The following ZFAND3 variants were observed in gnomAD, a reference collection of about 807,000 sequenced individuals.
ZFAND3 encodes the protein AN1-type zinc finger protein 3.
Under a neutral mutation model 29.6 loss-of-function variants are expected in ZFAND3, and 10 were observed. That is an observed-to-expected ratio of 0.34 (90% CI 0.21 to 0.57). The LOEUF is 0.57. Ranked by LOEUF, ZFAND3 falls within the 20% of genes least tolerant of loss-of-function variation. The pLI is 0.86. For missense variants in ZFAND3, 230 were observed against 304.5 expected, an observed-to-expected ratio of 0.76 and a Z score of 1.82; for synonymous variants, 128 against 112.6, an observed-to-expected ratio of 1.14 and a Z score of -0.87.
At chr6:37,943,540 T>C (rs866273585) in intron 2 of ZFAND3, among the ~76,000 whole-genome samples, 49 of 152,292 alleles carry the variant, frequency 3.2e-4, no homozygotes, top group African/African-American at 1.1e-3. Flanking sequence ...CACAAATTAA[T>C]GTCAGGAAAT....
intron 2 of ZFAND3, among the ~76,000 whole-genome samples, chr6:38,041,037 G>A (rs1763749719): frequency 6.6e-6 from 1 of 152,166 alleles, no homozygotes; most frequent in African/African-American, 2.4e-5. Context: ...TTTAGTGTGT[G>A]ACAGTCCCTT....
Position 37,883,548 on chromosome 6 carries a change from C to CCT in ZFAND3, c.72-46411_72-46410insCT, listed in dbSNP as rs1287608473. The stretch of plus-strand genomic sequence containing the variant: ...TGTATACCTTTTCTTTTCTTTCTTT[C>CCT]TTTTTTTTTTTTGAGACGGAGTCTC... On this transcript the variant is annotated intron_variant, in intron 1 of 5. Coordinates refer to ENST00000287218, the MANE Select transcript of ZFAND3 (RefSeq NM_021943.3). 1.7e-4 allele frequency among the ~76,000 whole-genome samples: 17 copies of CCT among 100,586 alleles called. 3 individuals carry two copies. Among genetic ancestry groups the CCT allele is most frequent in the African/African-American group, 5.7e-4 (11 of 19,198 alleles). 66.0% of individuals were successfully genotyped at this position (100,586 alleles called of 152,430 possible). A position where few individuals can be genotyped will look rare whatever the true frequency, so the allele number is the denominator to read the frequency against.
chr6:37,826,910 C>G (rs993457357), intron 1 of ZFAND3, among the ~76,000 whole-genome samples: 6 of 152,182 alleles, frequency 3.9e-5, no homozygotes, highest in African/African-American at 1.4e-4. Flanking sequence ...TAAGTACTCA[C>G]TAGCTCAGTA....
chr6:37,911,426 A>G (rs936918455), intron 1 of ZFAND3, among the ~76,000 whole-genome samples: 3 of 152,162 alleles, frequency 2.0e-5, no homozygotes, highest in African/African-American at 7.2e-5. Flanking sequence ...CTCCTTGTAT[A>G]TTTTAGATGT....
intron 1 of ZFAND3, among the ~76,000 whole-genome samples, chr6:37,869,513 A>ATTTT (rs543408260): frequency 7.1e-6 from 1 of 141,322 alleles, no homozygotes; most frequent in African/African-American, 2.6e-5. Flanking sequence ...AAGTTTGTTA[A>ATTTT]TTTTTTTTTT....
intron 1 of ZFAND3, among the ~76,000 whole-genome samples, chr6:37,878,532 G>C (rs753454731): frequency 3.4e-4 from 52 of 152,156 alleles, no homozygotes; most frequent in Non-Finnish European, 6.9e-4. Flanking sequence ...CTCCCGCTTG[G>C]CATAGCCCTG....
chr6:38,082,213 G>T (rs1223403246), intron 3 of ZFAND3, among the ~76,000 whole-genome samples, 179 bp from the exon 4 acceptor site: 1 of 148,942 alleles, frequency 6.7e-6, no homozygotes. Context: ...AGACTAAATT[G>T]CTGAACTAAA....
At chr6:37,860,038 A>ATTTTTT (rs367545879) in intron 1 of ZFAND3, among the ~76,000 whole-genome samples, 1 of 134,186 alleles carries the variant, frequency 7.5e-6, no homozygotes. Context: ...CGCCCAGCTA[A>ATTTTTT]TTTTTTTTTT....
rs2127417674 is a variant in ZFAND3, at chr6:37,942,927, A to T, written c.112+12928A>T. On this transcript the variant is annotated intron_variant, in intron 2 of 5. Transcript: ENST00000287218. ...TTGAAGAAAAAGTGGGACTGTATCA[A>T]AAACTTTGAAATAAAGACATCCAAG... Among the ~76,000 whole-genome samples, 3 of 152,310 alleles carry T rather than the reference A, an allele frequency of 2.0e-5. No homozygotes were observed. In the South Asian group the frequency reaches 6.2e-4, roughly 32 times the overall value.
At chr6:37,973,657 A>G (rs1434097200) in intron 2 of ZFAND3, among the ~76,000 whole-genome samples, 1 of 152,252 alleles carries the variant, frequency 6.6e-6, no homozygotes, top group Non-Finnish European at 1.5e-5. Context: ...CTGAAGCATT[A>G]CACTGAGTAC....
rs1766239013 is a variant in ZFAND3 at position 38,152,104 on chromosome 6, G to A, written c.530-131G>A. On this transcript the variant is annotated intron_variant, in intron 5 of 5. Transcript: ENST00000287218. ...TGGAGTGAGCTCTCTGCTGCATCAG[G>A]AACCCCTGCAGTGAGTGTTGTCCAC... 3.6e-6 allele frequency: 3 copies of A among 828,952 alleles called. No individual in the cohort carries two copies. In the East Asian group the frequency reaches 8.6e-5, roughly 24 times the overall value. The allele number at this position is 828,952 out of a possible 1,614,324, so 51.3% of individuals were successfully genotyped here.
At chr6:38,050,476 G>A (rs1452459440) in intron 2 of ZFAND3, among the ~76,000 whole-genome samples, 1 of 151,984 alleles carries the variant, frequency 6.6e-6, no homozygotes, top group Non-Finnish European at 1.5e-5. Context: ...TGTATCATGC[G>A]GGCGGTTACC....
intron 1 of ZFAND3, among the ~76,000 whole-genome samples, chr6:37,891,417 C>A (rs1025638528): frequency 2.1e-5 from 2 of 96,388 alleles, no homozygotes; most frequent in South Asian, 7.0e-4. Context: ...AGATTTCAGT[C>A]CCCCCCCCCG....
Position 38,043,972 on chromosome 6 carries a change from CTACAGAATTACATGAG to C in ZFAND3, c.113-17618_113-17603del, listed in dbSNP as rs936982707. On this transcript the variant is annotated intron_variant, in intron 2 of 5. Transcript: ENST00000287218. Reference sequence around the variant, plus strand: ...TAGATTATTTCTAAAAGCCCTTCATCTACAGAATTACATGAGTATATTCTGTGAAACTATTTTTAAA... The same window carrying C: ...TAGATTATTTCTAAAAGCCCTTCATCTATATTCTGTGAAACTATTTTTAAA... Among the ~76,000 whole-genome samples the C allele has an allele frequency of 3.3e-5, 5 of 152,210 alleles. 1 individual carries two copies. The highest frequency in any genetic ancestry group is 6.5e-5 in the Admixed American group (1 of 15,276).
intron 2 of ZFAND3, among the ~76,000 whole-genome samples, chr6:37,932,242 C>A: frequency 6.8e-6 from 1 of 147,880 alleles, no homozygotes; most frequent in Non-Finnish European, 1.5e-5. Context: ...GCACTCCAGC[C>A]AGAACGAGAC....
At chr6:38,152,014 C>T (rs997539174) in intron 5 of ZFAND3, among the ~76,000 whole-genome samples, 1 of 152,140 alleles carries the variant, frequency 6.6e-6, no homozygotes, top group Non-Finnish European at 1.5e-5. Flanking sequence ...AGGGTCCAGG[C>T]AGGGACAGGC....
chr6:38,095,288 A>T (rs1764954853), intron 4 of ZFAND3, among the ~76,000 whole-genome samples: 1 of 152,188 alleles, frequency 6.6e-6, no homozygotes, highest in South Asian at 2.1e-4. Context: ...ATGGAAAAAG[A>T]ATGTTACTAC....
intron 3 of ZFAND3, among the ~76,000 whole-genome samples, chr6:38,072,392 G>C (rs953683449): frequency 6.6e-6 from 1 of 152,122 alleles, no homozygotes; most frequent in African/African-American, 2.4e-5. Context: ...TACAGTTACT[G>C]ATATTCAAAC....
At chr6:37,927,452 G>A (rs1016323893) in intron 1 of ZFAND3, among the ~76,000 whole-genome samples, 5 of 152,234 alleles carry the variant, frequency 3.3e-5, no homozygotes, top group African/African-American at 1.2e-4. Flanking sequence ...GTTGAGTGGA[G>A]ATGAGAGGGG....
Sources: allele counts gnomAD v4.1 joint callset (sites outside exome capture counted in the v4.1 genomes callset), GRCh38; gene constraint gnomAD v4.1.1; transcripts MANE v1.5; gene names NCBI Gene and HGNC (gene_info 2026-07-23, HGNC 2026-07-21).